The following NMNAT3 variants were observed in gnomAD, a reference collection of about 807,000 sequenced individuals.
The protein encoded by NMNAT3 is nicotinamide nucleotide adenylyltransferase 3.
A neutral mutation model predicts 24.8 loss-of-function variants in NMNAT3; 21 were observed. The observed-to-expected ratio is 0.85, with a 90% CI of 0.60 to 1.22. NMNAT3 has a LOEUF of 1.22. Among genes scored for constraint, NMNAT3 ranks in the 50% most tolerant of loss-of-function variants. The probability of loss-of-function intolerance (pLI) is 0.00; values close to 1 mark genes in which losing one functional copy is unlikely to be tolerated. For synonymous variants in NMNAT3, 136 were observed against 155.2 expected, an observed-to-expected ratio of 0.88 and a Z score of 0.92; for missense variants, 387 against 436.6, an observed-to-expected ratio of 0.89 and a Z score of 1.01.
intron 3 of NMNAT3, among the ~76,000 whole-genome samples, chr3:139,601,422 G>A (rs936386633): frequency 6.6e-6 from 1 of 152,130 alleles, no homozygotes; most frequent in African/African-American, 2.4e-5. Flanking sequence ...CACACACTTC[G>A]GAGGCATGGC....
chr3:139,650,013 C>T (rs1425324027), intron 1 of NMNAT3, among the ~76,000 whole-genome samples: 2 of 152,066 alleles, frequency 1.3e-5, no homozygotes, highest in Non-Finnish European at 2.9e-5. Context: ...AACCAGGAGC[C>T]CACTTGCCTT....
intron 2 of NMNAT3, 130 bp downstream of exon 3, chr3:139,634,481 C>T (rs1257448704): frequency 6.6e-6 from 1 of 152,200 alleles, no homozygotes; most frequent in Admixed American, 6.5e-5. Context: ...TCGGTGAAAT[C>T]ATTTCCATCT....
rs977847939 is a variant in NMNAT3, at chr3:139,560,691, G to A, written c.*319C>T. 2.0e-5 allele frequency: 6 copies of A among 296,970 alleles called. No individual in the cohort carries two copies. Among genetic ancestry groups the A allele is most frequent in the African/African-American group, 4.3e-5 (2 of 46,864 alleles). 18.4% of individuals were successfully genotyped at this position (296,970 alleles called of 1,614,324 possible). A position where few individuals can be genotyped will look rare whatever the true frequency, so the allele number is the denominator to read the frequency against. ...TGCCATGCTCAGAACTGCATTCAGC[G>A]TGCATGCCATAATTACCATCCACAC... On this transcript the variant is annotated 3_prime_UTR_variant, in exon 7 of 7. Transcript: ENST00000643695.
chr3:139,596,952 A>G (rs7430475), intron 3 of NMNAT3, among the ~76,000 whole-genome samples: 14 of 83,352 alleles, frequency 1.7e-4, no homozygotes, highest in Middle Eastern at 4.6e-3. Flanking sequence ...ATATATATAT[A>G]TATATATATA....
chr3:139,631,149 C>A (rs943457698), intron 2 of NMNAT3, among the ~76,000 whole-genome samples: 2 of 152,078 alleles, frequency 1.3e-5, no homozygotes, highest in Non-Finnish European at 2.9e-5. Context: ...GCATACTGAG[C>A]CACACTGTTC....
intron 6 of NMNAT3, among the ~76,000 whole-genome samples, chr3:139,562,596 T>G (rs550502494): frequency 6.6e-6 from 1 of 152,204 alleles, no homozygotes. Flanking sequence ...TAGGATCCTC[T>G]AAGGTGGAAC....
In NMNAT3 at chr3:139,606,664, T is replaced by C. The variant is rs1576630619; in HGVS notation, c.109+20952A>G. On this transcript the variant is annotated intron_variant, in intron 3 of 6. Coordinates refer to ENST00000643695, the MANE Select transcript of NMNAT3 (RefSeq NM_001320510.2). ...GTAACAATTATTACTGTTAAATTAG[T>C]TTGTAAAATAGTTATTTTCTATTTC... Among the ~76,000 whole-genome samples, 4 of 152,344 alleles carry C rather than the reference T, an allele frequency of 2.6e-5. No individual in the cohort carries two copies. The South Asian group carries it at 8.3e-4, about 32-fold the overall frequency.
chr3:139,668,388 A>G (rs1169790484), intron 1 of NMNAT3, among the ~76,000 whole-genome samples: 1 of 152,246 alleles, frequency 6.6e-6, no homozygotes, highest in Non-Finnish European at 1.5e-5. Flanking sequence ...CAAACTTTAT[A>G]AGAGAGAAAA....
At chr3:139,569,815 T>C (rs1327798399) in intron 6 of NMNAT3, 1 of 152,222 alleles carries the variant, frequency 6.6e-6, no homozygotes, top group Non-Finnish European at 1.5e-5. Flanking sequence ...CTGACAATTA[T>C]GTGTCTTGGA....
rs145555035 is a variant in NMNAT3 at position 139,563,026 on chromosome 3, T to C, written c.659-1634A>G. On this transcript the variant is annotated intron_variant, in intron 6 of 6. Transcript: ENST00000643695. ...TGATCTCAACTTTAAAATGAGGATATTACCCTTCATTTATTCATTCATTCA... is the reference window on the plus strand; with the variant it reads ...TGATCTCAACTTTAAAATGAGGATACTACCCTTCATTTATTCATTCATTCA... 1.4e-3 allele frequency among the ~76,000 whole-genome samples: 218 copies of C among 152,328 alleles called. 2 individuals carry two copies. The East Asian group carries it at 0.027, about 19-fold the overall frequency.
chr3:139,605,253 G>T (rs941839315), intron 3 of NMNAT3, among the ~76,000 whole-genome samples: 4 of 152,174 alleles, frequency 2.6e-5, no homozygotes, highest in African/African-American at 2.4e-5. Context: ...CTTGATATTA[G>T]AAATTATTGG....
At chr3:139,666,219 C>T (rs1165934906) in intron 1 of NMNAT3, among the ~76,000 whole-genome samples, 3 of 152,118 alleles carry the variant, frequency 2.0e-5, no homozygotes, top group Non-Finnish European at 4.4e-5. Flanking sequence ...TTTTGTCCCC[C>T]TGAAGATAGG....
intron 2 of NMNAT3, among the ~76,000 whole-genome samples, chr3:139,629,605 TG>T (rs1444649353): frequency 1.3e-5 from 2 of 152,206 alleles, no homozygotes; most frequent in African/African-American, 4.8e-5. Flanking sequence ...CCTGCAGTTC[TG>T]GGGGCAACAT....
chr3:139,645,757 T>C (rs1238232766), intron 1 of NMNAT3, among the ~76,000 whole-genome samples: 1 of 152,184 alleles, frequency 6.6e-6, no homozygotes, highest in Non-Finnish European at 1.5e-5. Flanking sequence ...AGTATAGTTT[T>C]TTTTGATGGC....
chr3:139,576,758 A>T lies in NMNAT3; in HGVS notation c.575+2114T>A, dbSNP rs566562946. On this transcript the variant is annotated intron_variant, in intron 5 of 6. Coordinates refer to ENST00000643695, the MANE Select transcript of NMNAT3 (RefSeq NM_001320510.2). Reference sequence around the variant, plus strand: ...CAACACAAGAATAAAGGAGTTATTTAAAAAAAATTAAAAAGAGGCCTGGTG... The same window carrying T: ...CAACACAAGAATAAAGGAGTTATTTTAAAAAAATTAAAAAGAGGCCTGGTG... Among the ~76,000 whole-genome samples the T allele has an allele frequency of 1.6e-3, 248 of 152,148 alleles. 1 individual carries two copies. Among genetic ancestry groups the T allele is most frequent in the African/African-American group, 5.7e-3 (237 of 41,516 alleles).
chr3:139,648,141 C>T (rs1232719805), intron 1 of NMNAT3, among the ~76,000 whole-genome samples: 1 of 152,062 alleles, frequency 6.6e-6, no homozygotes, highest in African/African-American at 2.4e-5. Context: ...GGGGGTTTTC[C>T]CTACGTTGTC....
At chr3:139,671,078 A>G (rs558904229) in intron 1 of NMNAT3, among the ~76,000 whole-genome samples, 237 of 152,330 alleles carry the variant, frequency 1.6e-3, no homozygotes, top group African/African-American at 5.3e-3. Context: ...AACTGAAGAA[A>G]GATCATTGTT....
intron 5 of NMNAT3, 55 bp from the exon 6 acceptor site, chr3:139,573,735 AC>A: frequency 2.0e-6 from 2 of 987,204 alleles, no homozygotes; most frequent in South Asian, 1.8e-5. Flanking sequence ...CCTCAAAGCC[AC>A]CCAGGGATTT....
intron 3 of NMNAT3, among the ~76,000 whole-genome samples, chr3:139,627,202 A>G (rs1221196892): frequency 6.6e-6 from 1 of 152,188 alleles, no homozygotes; most frequent in Non-Finnish European, 1.5e-5. Flanking sequence ...AAATGAGAAA[A>G]TGTCAAAATG....
Sources: allele counts gnomAD v4.1 joint callset (sites outside exome capture counted in the v4.1 genomes callset), GRCh38; gene constraint gnomAD v4.1.1; transcripts MANE v1.5; gene names NCBI Gene and HGNC (gene_info 2026-07-23, HGNC 2026-07-21).